PALM2AKAP2: variants seen among roughly 807,000 people sequenced by gnomAD.
The protein encoded by PALM2AKAP2 is PALM2-AKAP2 fusion protein.
PALM2AKAP2 carries 37 observed loss-of-function variants against 71.5 expected under a neutral mutation model. That is an observed-to-expected ratio of 0.52 (90% CI 0.40 to 0.68). The LOEUF (loss-of-function observed/expected upper bound fraction) is 0.68. PALM2AKAP2 is among the 30% of genes least tolerant of loss of function. The pLI is 0.00. For missense variants in PALM2AKAP2, 1,224 were observed against 1,191.8 expected (o/e 1.03, Z -0.40); for synonymous variants, 468 against 478.8 (o/e 0.98, Z 0.29).
chr9:109,864,791 C>G (rs1490491314), intron 1 of PALM2AKAP2, among the ~76,000 whole-genome samples: 1 of 152,190 alleles, frequency 6.6e-6, no homozygotes, highest in African/African-American at 2.4e-5. Context: ...ATTAATCCAC[C>G]TTATGTATGA....
chr9:109,906,513 T>C (rs1190212685), intron 3 of PALM2AKAP2, among the ~76,000 whole-genome samples: 1 of 152,244 alleles, frequency 6.6e-6, no homozygotes, highest in Non-Finnish European at 1.5e-5. Flanking sequence ...TTTTACACTT[T>C]AATATTGCCA....
chr9:109,725,529 G>A (rs1285330242), intron 1 of PALM2AKAP2, among the ~76,000 whole-genome samples: 1 of 152,074 alleles, frequency 6.6e-6, no homozygotes, highest in African/African-American at 2.4e-5. Flanking sequence ...AACTCATCAA[G>A]CACACAGAGA....
At chr9:110,137,708 C>G (rs201854228) in exon 2 of PALM2AKAP2, 2 of 1,613,214 alleles carry the variant, frequency 1.2e-6, no homozygotes, top group Non-Finnish European at 1.7e-6. Context: ...CCTGGAGACC[C>G]TATCCAATGA....
In PALM2AKAP2 at chr9:109,760,099, G is replaced by T. The variant is rs183699307; in HGVS notation, c.6-20389G>T. Among the ~76,000 whole-genome samples, 1,440 of 152,220 alleles carry T rather than the reference G, an allele frequency of 9.5e-3. 14 individuals are homozygous for T. Among genetic ancestry groups the T allele is most frequent in the Non-Finnish European group, 0.012 (817 of 67,992 alleles). ...CCTATTGATCACTGATTCGATTTTT[G>T]CCCCTATAGTTTTGCCTATTCCAGA... is the stretch of plus-strand genomic sequence containing the variant. On this transcript the variant is annotated intron_variant, in intron 1 of 6. Coordinates refer to the PALM2AKAP2 transcript ENST00000374531.
chr9:110,085,211 C>T (rs560400453), intron 1 of PALM2AKAP2, among the ~76,000 whole-genome samples: 1 of 152,102 alleles, frequency 6.6e-6, no homozygotes, highest in South Asian at 2.1e-4. Flanking sequence ...CTATTAGGCG[C>T]TTTAAACTAT....
At chr9:109,722,261 T>G (rs1828416909) in intron 1 of PALM2AKAP2, among the ~76,000 whole-genome samples, 1 of 152,260 alleles carries the variant, frequency 6.6e-6, no homozygotes, top group African/African-American at 2.4e-5. Context: ...TGAAAACAGC[T>G]AAAATTTGTG....
chr9:109,667,408 A>C (rs1440062696), intron 1 of PALM2AKAP2, among the ~76,000 whole-genome samples: 1 of 109,474 alleles, frequency 9.1e-6, no homozygotes, highest in Non-Finnish European at 2.0e-5. Context: ...GGACAGACCT[A>C]GGCCCGAAGA....
At chr9:109,970,282 A>G (rs1832041135) in intron 6 of PALM2AKAP2, among the ~76,000 whole-genome samples, 1 of 152,240 alleles carries the variant, frequency 6.6e-6, no homozygotes. Context: ...ATTAGATTCA[A>G]TAAATTGTTA....
upstream of PALM2AKAP2, among the ~76,000 whole-genome samples, chr9:109,778,014 T>TC (rs1371586613): frequency 6.6e-6 from 1 of 152,156 alleles, no homozygotes; most frequent in Non-Finnish European, 1.5e-5. Context: ...CTTCTCCATC[T>TC]CCCCATTCCA....
intron 5 of PALM2AKAP2, among the ~76,000 whole-genome samples, chr9:109,926,144 T>A (rs750864783): frequency 6.6e-6 from 1 of 152,196 alleles, no homozygotes; most frequent in Non-Finnish European, 1.5e-5. Flanking sequence ...GCATCAGTGT[T>A]TTCCCAGCGT....
At chr9:109,867,434 A>G in intron 1 of PALM2AKAP2, 57 bp from the exon 2 acceptor site, 1 of 1,596,682 alleles carries the variant, frequency 6.3e-7, no homozygotes, top group Non-Finnish European at 8.5e-7. Context: ...TTCTGCCTTA[A>G]AATTTCTGGA....
intron 7 of PALM2AKAP2, among the ~76,000 whole-genome samples, chr9:110,026,114 G>T (rs1032627385): frequency 1.3e-5 from 2 of 151,562 alleles, no homozygotes; most frequent in Admixed American, 6.6e-5. Context: ...ACAGGGTCTC[G>T]CTATGTCACC....
chr9:109,774,279 G>A (rs1829317786), intron 1 of PALM2AKAP2, among the ~76,000 whole-genome samples: 1 of 152,154 alleles, frequency 6.6e-6, no homozygotes, highest in African/African-American at 2.4e-5. Flanking sequence ...AACCAGGCTG[G>A]AGTAGAACCT....
chr9:109,944,542 CT>C (rs1039173240), intron 6 of PALM2AKAP2: 1 of 151,796 alleles, frequency 6.6e-6, no homozygotes, highest in Non-Finnish European at 1.5e-5. Flanking sequence ...GTAACTTCAA[CT>C]TGTAGGTTTA....
At chr9:109,855,457 A>G (rs892272036) in intron 1 of PALM2AKAP2, among the ~76,000 whole-genome samples, 1 of 152,208 alleles carries the variant, frequency 6.6e-6, no homozygotes, top group African/African-American at 2.4e-5. Context: ...CAGGCCCAGT[A>G]TGTGTTAGGC....
At chr9:110,105,927 G>A (rs191983857) in intron 1 of PALM2AKAP2, among the ~76,000 whole-genome samples, 89 of 151,270 alleles carry the variant, frequency 5.9e-4, no homozygotes, top group Non-Finnish European at 5.9e-5. Flanking sequence ...AATAAAGCAA[G>A]GCAGTCTAGG....
intron 1 of PALM2AKAP2, among the ~76,000 whole-genome samples, chr9:109,665,082 A>G (rs1827460341): frequency 6.6e-6 from 1 of 152,092 alleles, no homozygotes; most frequent in Admixed American, 6.5e-5. Flanking sequence ...TTAGTCGTTC[A>G]TCTAATCTTT....
At chr9:109,797,304 T>A (rs1033854004) in intron 1 of PALM2AKAP2, among the ~76,000 whole-genome samples, 1 of 152,198 alleles carries the variant, frequency 6.6e-6, no homozygotes, top group Non-Finnish European at 1.5e-5. Context: ...GGTTGGCACA[T>A]CACAGATACT....
chr9:110,053,595 G>A (rs866470289), intron 1 of PALM2AKAP2, among the ~76,000 whole-genome samples: 3 of 151,636 alleles, frequency 2.0e-5, no homozygotes, highest in South Asian at 2.1e-4. Context: ...GACATGTAAC[G>A]GGAATTTGTT....
Sources: gnomAD v4.1 joint callset for allele counts (sites outside exome capture counted in the v4.1 genomes callset) on GRCh38, gnomAD v4.1.1 for gene constraint, MANE v1.5 for transcripts, NCBI Gene and HGNC (gene_info 2026-07-23, HGNC 2026-07-21) for gene names.